Variants in GALNT18 observed in about 807,000 individuals in gnomAD.
GALNT18 encodes polypeptide N-acetylgalactosaminyltransferase 18.
GALNT18 carries 44 observed loss-of-function variants against 69.5 expected under a neutral mutation model. The observed-to-expected ratio is 0.63, with a 90% CI of 0.50 to 0.81. GALNT18 has a LOEUF of 0.81. Ranked by LOEUF, GALNT18 falls within the 40% of genes least tolerant of loss-of-function variation. The probability of loss-of-function intolerance (pLI) is 0.00; values close to 1 mark genes in which losing one functional copy is unlikely to be tolerated. For synonymous variants in GALNT18, 364 were observed against 318.2 expected (o/e 1.14, Z -1.53); for missense variants, 715 against 810.0 (o/e 0.88, Z 1.42).
At chr11:11,352,981 G>A (rs771143324) in intron 6 of GALNT18, 53 of 1,613,762 alleles carry the variant, frequency 3.3e-5, no homozygotes, top group Middle Eastern at 1.6e-4. Flanking sequence ...TATTTACCTC[G>A]GCCTAATTTT....
chr11:11,555,626 T>C lies in GALNT18; in HGVS notation c.235+65733A>G, dbSNP rs1205107688. Among the ~76,000 whole-genome samples the C allele has an allele frequency of 1.3e-5, 2 of 152,194 alleles. No individual in the cohort carries two copies. Among genetic ancestry groups the C allele is most frequent in the Non-Finnish European group, 2.9e-5 (2 of 68,038 alleles). On this transcript the variant is annotated intron_variant, in intron 1 of 10. Coordinates refer to ENST00000227756, the MANE Select transcript of GALNT18 (RefSeq NM_198516.3). This position sits in a 1 kb window ranked among gnomAD's most constrained non-coding sequence, Gnocchi z 4.7. ...CACTTTATTACAGAACCCTAGGAAATTGAAACACCCACTAAAGACACGTCC... is the reference window on the plus strand; with the variant it reads ...CACTTTATTACAGAACCCTAGGAAACTGAAACACCCACTAAAGACACGTCC...
At chr11:11,286,353 C>T (rs931621376) in intron 10 of GALNT18, among the ~76,000 whole-genome samples, 7 of 152,054 alleles carry the variant, frequency 4.6e-5, no homozygotes, top group African/African-American at 1.7e-4. Context: ...CTTTGAGTAT[C>T]CTACATAATG....
chr11:11,499,184 C>T (rs576655273), intron 1 of GALNT18, among the ~76,000 whole-genome samples: 1 of 152,166 alleles, frequency 6.6e-6, no homozygotes, highest in African/African-American at 2.4e-5. Flanking sequence ...TCACTTATGA[C>T]GGTCAACATT....
rs138160467 is a variant in GALNT18 at position 11,600,982 on chromosome 11, TAACTA to T, written c.235+20372_235+20376del. 0.15 allele frequency among the ~76,000 whole-genome samples: 23,078 copies of T among 152,054 alleles called. 1,812 individuals are homozygous for T. Among genetic ancestry groups the T allele is most frequent in the Middle Eastern group, 0.26 (75 of 294 alleles). On this transcript the variant is annotated intron_variant, in intron 1 of 10. Coordinates refer to ENST00000227756, the MANE Select transcript of GALNT18 (RefSeq NM_198516.3). The surrounding 1 kb of genome is among the most constrained non-coding windows in gnomAD (Gnocchi z 4.8). ...ACATTTCAAGTCCCAAATTTCCACT[TAACTA>T]TTTTCATAACTTATATCTTTTTATT...
At chr11:11,578,313 A>T (rs1207516733) in intron 1 of GALNT18, among the ~76,000 whole-genome samples, 1 of 138,092 alleles carries the variant, frequency 7.2e-6, no homozygotes, top group African/African-American at 2.7e-5. Flanking sequence ...GAAGGAGCCG[A>T]AAAACATAAA....
intron 1 of GALNT18, among the ~76,000 whole-genome samples, chr11:11,526,858 G>T (rs547250876): frequency 6.6e-6 from 1 of 152,104 alleles, no homozygotes; most frequent in Non-Finnish European, 1.5e-5. Context: ...TTACTCTCCC[G>T]CAGGAGCACA....
In GALNT18 at chr11:11,591,731, A is replaced by G. The variant is rs1299027395; in HGVS notation, c.235+29628T>C. On this transcript the variant is annotated intron_variant, in intron 1 of 10. Coordinates refer to ENST00000227756, the MANE Select transcript of GALNT18 (RefSeq NM_198516.3). The surrounding 1 kb of genome is among the most constrained non-coding windows in gnomAD (Gnocchi z 4.8). ...TTCTTTAGTGCCAGATGGAAATACA[A>G]TGAGCCCAGCCATACAGATGTGCTC... Among the ~76,000 whole-genome samples the G allele has an allele frequency of 6.6e-6, 1 of 152,232 alleles. No homozygotes were observed. Among genetic ancestry groups the G allele is most frequent in the African/African-American group, 2.4e-5 (1 of 41,450 alleles).
chr11:11,417,409 C>T (rs1338701243), intron 3 of GALNT18, among the ~76,000 whole-genome samples: 1 of 151,780 alleles, frequency 6.6e-6, no homozygotes, highest in Non-Finnish European at 1.5e-5. Flanking sequence ...AACAGGGATG[C>T]CTGAGATAAA....
intron 1 of GALNT18, among the ~76,000 whole-genome samples, chr11:11,558,466 G>A (rs1413651367): frequency 6.6e-6 from 1 of 152,258 alleles, no homozygotes; most frequent in Non-Finnish European, 1.5e-5. Context: ...GTGAGGCTGG[G>A]CTCTGCGGAG....
In GALNT18 at chr11:11,614,359, AGAAGAG is replaced by A. The variant is rs920399060; in HGVS notation, c.235+6994_235+6999del. Among the ~76,000 whole-genome samples the A allele has an allele frequency of 1.1e-4, 12 of 114,162 alleles. No individual in the cohort carries two copies. The highest frequency in any genetic ancestry group is 2.7e-4 in the African/African-American group (6 of 22,582). 74.9% of individuals were successfully genotyped at this position (114,162 alleles called of 152,430 possible). A position where few individuals can be genotyped will look rare whatever the true frequency, so the allele number is the denominator to read the frequency against. ...AGGCAAGAGAGTGAGGAGAAGAAGA[AGAAGAG>A]GAGGAGGAGGAGGAGGAGGAGGAGG... On this transcript the variant is annotated intron_variant, in intron 1 of 10. Coordinates refer to ENST00000227756, the MANE Select transcript of GALNT18 (RefSeq NM_198516.3). This position sits in a 1 kb window ranked among gnomAD's most constrained non-coding sequence, Gnocchi z 5.6.
rs779855492 is a variant in GALNT18, at chr11:11,443,799, C to T, written c.428+4945G>A. On this transcript the variant is annotated intron_variant, in intron 2 of 10. Transcript: ENST00000227756. ...GGAGTCTGAAGTGTCCTGCCTCCCC[C>T]AGTTCTTCCCACCTGGATGGCTGAG... Among the ~76,000 whole-genome samples, 4 of 152,312 alleles carry T rather than the reference C, an allele frequency of 2.6e-5. No homozygotes were observed. In the East Asian group the frequency reaches 5.8e-4, roughly 22 times the overall value.
Position 11,415,119 on chromosome 11 carries a change from T to G in GALNT18, c.595+17502A>C, listed in dbSNP as rs4124075. On this transcript the variant is annotated intron_variant, in intron 3 of 10. Coordinates refer to ENST00000227756, the MANE Select transcript of GALNT18 (RefSeq NM_198516.3). The surrounding 1 kb of genome is among the most constrained non-coding windows in gnomAD (Gnocchi z 4.1). The stretch of plus-strand genomic sequence containing the variant: ...TGGACAGTTCACAGCATGGGTCTCT[T>G]CTCAGGCCACCAGAGTACATCTCTG... Among the ~76,000 whole-genome samples the G allele has an allele frequency of 2.0e-5, 3 of 152,012 alleles. No individual in the cohort carries two copies. Among genetic ancestry groups the G allele is most frequent in the Admixed American group, 2.0e-4 (3 of 15,266 alleles).
At position 11,564,212 on chromosome 11, in the gene GALNT18, C is replaced by T. The variant is rs553225360; in HGVS notation, c.235+57147G>A. ...CGCTAGAACGTGTGACTGCAAGTCC[C>T]GGGTCCATAACCACTGTGCTATACT... On this transcript the variant is annotated intron_variant, in intron 1 of 10. Coordinates refer to ENST00000227756, the MANE Select transcript of GALNT18 (RefSeq NM_198516.3). The surrounding 1 kb of genome is among the most constrained non-coding windows in gnomAD (Gnocchi z 4.3). Among the ~76,000 whole-genome samples, 66 of 152,266 alleles carry T rather than the reference C, an allele frequency of 4.3e-4. No individual in the cohort carries two copies. In the South Asian group the frequency reaches 0.013, roughly 31 times the overall value.
At chr11:11,440,379 T>A in intron 2 of GALNT18, among the ~76,000 whole-genome samples, 1 of 152,062 alleles carries the variant, frequency 6.6e-6, no homozygotes, top group Non-Finnish European at 1.5e-5. Context: ...ACACTCTGTG[T>A]GGTGGGTTTG....
intron 1 of GALNT18, among the ~76,000 whole-genome samples, chr11:11,474,025 C>G (rs1267857361): frequency 6.6e-6 from 1 of 152,176 alleles, no homozygotes; most frequent in East Asian, 1.9e-4. Flanking sequence ...AGATCCGACA[C>G]TGCACTCCAG....
rs1316258363 is a variant in GALNT18, at chr11:11,598,526, T to G, written c.235+22833A>C. On this transcript the variant is annotated intron_variant, in intron 1 of 10. Transcript: ENST00000227756. This position sits in a 1 kb window ranked among gnomAD's most constrained non-coding sequence, Gnocchi z 4.8. ...TTCTCTCTTAGGAGGTTACTGATTA[T>G]CAAATTTAGGGCTCATCTGAATAAT... 1.3e-5 allele frequency among the ~76,000 whole-genome samples: 2 copies of G among 152,178 alleles called. No individual in the cohort carries two copies. The highest frequency in any genetic ancestry group is 2.9e-5 in the Non-Finnish European group (2 of 68,022).
chr11:11,273,270 G>A (rs1848865403), intron 10 of GALNT18, among the ~76,000 whole-genome samples: 1 of 152,144 alleles, frequency 6.6e-6, no homozygotes. Context: ...ACAGCCCACA[G>A]AACTGGAGAA....
chr11:11,322,038 G>A (rs1450068837), intron 9 of GALNT18, among the ~76,000 whole-genome samples: 1 of 152,204 alleles, frequency 6.6e-6, no homozygotes, highest in Admixed American at 6.5e-5. Flanking sequence ...TTAAAGTGGA[G>A]TAATAATGGT....
chr11:11,440,629 G>A (rs1334851376), intron 2 of GALNT18, among the ~76,000 whole-genome samples: 1 of 152,230 alleles, frequency 6.6e-6, no homozygotes, highest in East Asian at 1.9e-4. Flanking sequence ...AACCTGTCCT[G>A]CAGTGCCTGT....
Sources: gnomAD v4.1 joint callset for allele counts (sites outside exome capture counted in the v4.1 genomes callset) on GRCh38, gnomAD v4.1.1 for gene constraint, Gnocchi (gnomAD v3.1) non-coding constraint, MANE v1.5 for transcripts, NCBI Gene and HGNC (gene_info 2026-07-23, HGNC 2026-07-21) for gene names.